Variants in LRP1B observed in about 807,000 individuals in gnomAD.
LRP1B encodes low-density lipoprotein receptor-related protein 1B.
A neutral mutation model predicts 556.6 loss-of-function variants in LRP1B; 217 were observed. The observed-to-expected ratio is 0.39, with a 90% CI of 0.35 to 0.44. The LOEUF (loss-of-function observed/expected upper bound fraction) is 0.44. Ranked by LOEUF, LRP1B falls within the 20% of genes least tolerant of loss-of-function variation. The probability of loss-of-function intolerance (pLI) is 1.00; values close to 1 mark genes in which losing one functional copy is unlikely to be tolerated. For missense variants in LRP1B, 5,053 were observed against 5,620.8 expected (o/e 0.90, Z 3.23); for synonymous variants, 2,047 against 1,865.8 (o/e 1.10, Z -2.50).
chr2:140,941,378 T>C (rs955107936), intron 20 of LRP1B, among the ~76,000 whole-genome samples: 1 of 152,054 alleles, frequency 6.6e-6, no homozygotes. Flanking sequence ...TGAAAGTCAA[T>C]ACGGGCAACA....
chr2:140,508,532 G>T (rs979494266), intron 52 of LRP1B, among the ~76,000 whole-genome samples: 30 of 152,088 alleles, frequency 2.0e-4, no homozygotes, highest in African/African-American at 7.0e-4. Context: ...TTTTAACAAA[G>T]ATTTTTTTAA....
intron 9 of LRP1B, among the ~76,000 whole-genome samples, chr2:141,058,212 C>T (rs1699236355): frequency 2.6e-5 from 4 of 151,788 alleles, no homozygotes; most frequent in Non-Finnish European, 4.4e-5. Context: ...ATATTTGTGA[C>T]AATGTACAGC....
At position 140,385,992 on chromosome 2, in the gene LRP1B, G is replaced by A. The variant is rs768505621; in HGVS notation, c.10432C>T (p.Pro3478Ser). The A allele has an allele frequency of 2.5e-6, 4 of 1,609,922 alleles. No individual in the cohort carries two copies. In the East Asian group the frequency reaches 6.7e-5, roughly 27 times the overall value. ...TTGTTTTTACACTGGAATTCATGAG[G>A]TCCACAAGTCTTTTTATCTGTAATG... ...EANCDKKTCG[P>S]HEFQCKNNNC... Residue 3478 changes from proline to serine, a missense_variant, in exon 67 of 91, where the codon CCT becomes TCT. Transcript: ENST00000389484.
Position 140,700,619 on chromosome 2 carries a change from T to A in LRP1B, c.6430A>T (p.Thr2144Ser). Residue 2144 changes from threonine to serine, a missense_variant and splice_region_variant, in exon 41 of 91, where the codon ACC becomes TCC. This residue lies in a region of LRP1B where 3,619 missense variants were observed against 3,931.9 expected (regional missense o/e 0.92). Coordinates refer to ENST00000389484, the MANE Select transcript of LRP1B (RefSeq NM_018557.3). ...CCATTGTCCCTGGCACAAACATTGG[T>A]CCCTAATGAAGAAAAATGATACACA... ...KIFNRVREKG[T>S]NVCARDNGGC... The A allele has an allele frequency of 6.2e-7, 1 of 1,613,300 alleles. No individual in the cohort carries two copies. Among genetic ancestry groups the A allele is most frequent in the South Asian group, 1.1e-5 (1 of 91,054 alleles).
intron 2 of LRP1B, among the ~76,000 whole-genome samples, chr2:141,646,608 G>C (rs1457725474): frequency 2.6e-5 from 4 of 152,102 alleles, no homozygotes; most frequent in Non-Finnish European, 4.4e-5. Context: ...AACCCACCAA[G>C]AAGTTTATAA....
At chr2:141,865,376 A>C (rs1266276514) in intron 1 of LRP1B, among the ~76,000 whole-genome samples, 2 of 151,906 alleles carry the variant, frequency 1.3e-5, no homozygotes, top group Admixed American at 1.3e-4. Context: ...GCGGATCACG[A>C]GGTCAGGAGA....
At chr2:141,920,985 C>A (rs762406837) in intron 1 of LRP1B, among the ~76,000 whole-genome samples, 1 of 151,958 alleles carries the variant, frequency 6.6e-6, no homozygotes, top group Admixed American at 6.6e-5. Flanking sequence ...TTGAAATACT[C>A]CATGAACATT....
At chr2:141,169,364 T>C (rs1574148741) in intron 7 of LRP1B, among the ~76,000 whole-genome samples, 4 of 151,422 alleles carry the variant, frequency 2.6e-5, no homozygotes, top group Admixed American at 6.6e-5. Flanking sequence ...ATGTAAGGAA[T>C]AAGAAAAAAC....
At chr2:140,665,123 G>C (rs1685221308) in intron 41 of LRP1B, among the ~76,000 whole-genome samples, 1 of 152,098 alleles carries the variant, frequency 6.6e-6, no homozygotes, top group Non-Finnish European at 1.5e-5. Context: ...AAGAAAGTTT[G>C]TTTATATGTA....
intron 2 of LRP1B, among the ~76,000 whole-genome samples, chr2:141,651,454 G>A (rs558416677): frequency 3.3e-5 from 5 of 152,138 alleles, no homozygotes; most frequent in South Asian, 4.2e-4. Context: ...ACTTGAGGTC[G>A]GTAGTCCAAG....
At position 140,325,092 on chromosome 2, in the gene LRP1B, T is replaced by TTA. The variant is rs1395940484; in HGVS notation, c.12340+669_12340+670insTA. Among the ~76,000 whole-genome samples, 7 of 150,788 alleles carry TTA rather than the reference T, an allele frequency of 4.6e-5. No individual in the cohort carries two copies. In the East Asian group the frequency reaches 1.4e-3, roughly 30 times the overall value. On this transcript the variant is annotated intron_variant, in intron 80 of 90. Coordinates refer to ENST00000389484, the MANE Select transcript of LRP1B (RefSeq NM_018557.3). ...GTTACAAAAAAATTGTGGGAAGGAGTTGAAGTAGGGAAAAGAAAGTGAAAC... is the reference window on the plus strand; with the variant it reads ...GTTACAAAAAAATTGTGGGAAGGAGTTATGAAGTAGGGAAAAGAAAGTGAAAC...
intron 37 of LRP1B, among the ~76,000 whole-genome samples, chr2:140,714,949 A>T (rs1687158201): frequency 6.6e-6 from 1 of 152,206 alleles, no homozygotes; most frequent in Admixed American, 6.6e-5. Flanking sequence ...GGGCCATACA[A>T]CAATCTAAAC....
intron 72 of LRP1B, 57 bp downstream of exon 72, chr2:140,364,604 C>A: frequency 6.3e-7 from 1 of 1,584,640 alleles, no homozygotes; most frequent in East Asian, 2.3e-5. Flanking sequence ...TTGATTCATG[C>A]TGGTGCCTGA....
At chr2:140,756,583 C>T (rs761558633) in intron 35 of LRP1B, among the ~76,000 whole-genome samples, 14 of 152,036 alleles carry the variant, frequency 9.2e-5, no homozygotes, top group Non-Finnish European at 1.8e-4. Flanking sequence ...AGTGGAAAGA[C>T]TCGTCTTTTA....
chr2:141,537,849 A>G (rs1216561380), intron 2 of LRP1B, among the ~76,000 whole-genome samples: 1 of 152,138 alleles, frequency 6.6e-6, no homozygotes, highest in African/African-American at 2.4e-5. Flanking sequence ...TAGATAAGAC[A>G]GGCTTCATTC....
intron 29 of LRP1B, among the ~76,000 whole-genome samples, chr2:140,844,070 T>A (rs1692200745): frequency 6.6e-6 from 1 of 152,094 alleles, no homozygotes; most frequent in African/African-American, 2.4e-5. Context: ...TCTAACTTTT[T>A]TTTTTTTTGA....
intron 7 of LRP1B, among the ~76,000 whole-genome samples, chr2:141,110,316 C>CAAA (rs5834806): frequency 6.6e-6 from 1 of 151,638 alleles, no homozygotes; most frequent in African/African-American, 2.4e-5. Flanking sequence ...TATATTAAGC[C>CAAA]AAAAAAATGC....
chr2:140,934,727 G>C (rs181903352), intron 20 of LRP1B, among the ~76,000 whole-genome samples: 228 of 152,210 alleles, frequency 1.5e-3, no homozygotes, highest in African/African-American at 5.2e-3. Flanking sequence ...TGACCGCAAA[G>C]GTGCAAAGAG....
chr2:141,178,598 G>A (rs191294870), intron 7 of LRP1B, among the ~76,000 whole-genome samples: 1 of 152,018 alleles, frequency 6.6e-6, no homozygotes, highest in Admixed American at 6.6e-5. Flanking sequence ...TTAAATATTT[G>A]GTAGCCAGAA....
Sources: gnomAD v4.1 joint callset for allele counts (sites outside exome capture counted in the v4.1 genomes callset) on GRCh38, gnomAD v4.1.1 for gene constraint, gnomAD v4.1.1 regional missense constraint, MANE v1.5 for transcripts, NCBI Gene and HGNC (gene_info 2026-07-23, HGNC 2026-07-21) for gene names.